The following RIC1 variants were observed in gnomAD, a reference collection of about 807,000 sequenced individuals.
RIC1 encodes guanine nucleotide exchange factor subunit RIC1.
In RIC1, 88 loss-of-function variants were observed where a neutral mutation model predicts 169.0. The ratio of observed to expected loss-of-function variants is 0.52; its 90% CI spans 0.44 to 0.62. The LOEUF (loss-of-function observed/expected upper bound fraction) is 0.62. Ranked by LOEUF, RIC1 falls within the 20% of genes least tolerant of loss-of-function variation. The probability of loss-of-function intolerance (pLI) is 0.00; values close to 1 mark genes in which losing one functional copy is unlikely to be tolerated. For missense variants in RIC1, 1,877 were observed against 1,725.5 expected, an observed-to-expected ratio of 1.09 and a Z score of -1.56; for synonymous variants, 790 against 601.5, an observed-to-expected ratio of 1.31 and a Z score of -4.59.
At chr9:5,764,350 C>G (rs1180951104) in intron 19 of RIC1, among the ~76,000 whole-genome samples, 2 of 152,198 alleles carry the variant, frequency 1.3e-5, no homozygotes, top group African/African-American at 4.8e-5. Flanking sequence ...TTGAGCTAGT[C>G]TTCCCCAAAG....
intron 2 of RIC1, among the ~76,000 whole-genome samples, chr9:5,676,348 G>A (rs769428882): frequency 3.3e-5 from 5 of 152,060 alleles, no homozygotes; most frequent in African/African-American, 7.2e-5. Flanking sequence ...ATGAATTAAC[G>A]GTGTACTTGA....
intron 2 of RIC1, among the ~76,000 whole-genome samples, chr9:5,672,160 A>G (rs1034675315): frequency 6.6e-6 from 1 of 152,202 alleles, no homozygotes; most frequent in Non-Finnish European, 1.5e-5. Flanking sequence ...GCAAACTGTC[A>G]CTTTATCCAG....
At position 5,769,237 on chromosome 9, in the gene RIC1, A is replaced by C. The variant is rs766996809; in HGVS notation, c.3405A>C (p.Lys1135Asn). 23 of 1,614,018 alleles carry C rather than the reference A, an allele frequency of 1.4e-5. No homozygotes were observed. The highest frequency in any genetic ancestry group is 1.9e-5 in the Non-Finnish European group (22 of 1,180,000). Residue 1135 changes from lysine (K) to asparagine (N), a missense_variant, in exon 22 of 26, where the codon AAA becomes AAC. Lys to Asn is a moderately conservative substitution (Grantham distance 94). Transcript: ENST00000414202. ...IPASSISSPF[K>N]NGKYRTVGEQ... The stretch of plus-strand genomic sequence containing the variant: ...CCTCTTCTATCAGTTCTCCTTTCAA[A>C]AATGGAAAATACCGAACTGGTAATG...
At position 5,706,406 on chromosome 9, in the gene RIC1, C is replaced by T. The variant is rs559566836; in HGVS notation, c.333-7490C>T. 5.3e-5 allele frequency among the ~76,000 whole-genome samples: 8 copies of T among 152,142 alleles called. No homozygotes were observed. In the South Asian group the frequency reaches 1.2e-3, roughly 24 times the overall value. The stretch of plus-strand genomic sequence containing the variant: ...GTCGGAGGTTGCGGTGAGCTGAGAT[C>T]GCACCACTGCACTCCAGCCTAGCGA... On this transcript the variant is annotated intron_variant, in intron 3 of 25. Transcript: ENST00000414202.
At chr9:5,772,362 C>T (rs1827281524) in intron 23 of RIC1, among the ~76,000 whole-genome samples, 1 of 152,132 alleles carries the variant, frequency 6.6e-6, no homozygotes, top group Non-Finnish European at 1.5e-5. Flanking sequence ...TATATTTTTC[C>T]ATCTAAAGGT....
chr9:5,657,605 A>G (rs1372659541), intron 2 of RIC1, among the ~76,000 whole-genome samples: 1 of 152,096 alleles, frequency 6.6e-6, no homozygotes, highest in Non-Finnish European at 1.5e-5. Flanking sequence ...GCTTCCATTT[A>G]CTATATCCTT....
Position 5,713,878 on chromosome 9 carries a change from C to A in RIC1, c.333-18C>A. 1 of 1,563,776 alleles carries A rather than the reference C, an allele frequency of 6.4e-7. No individual in the cohort carries two copies. The highest frequency in any genetic ancestry group is 1.1e-5 in the South Asian group (1 of 89,656). On this transcript the variant is annotated intron_variant, in intron 3 of 25. Coordinates refer to ENST00000414202, the MANE Select transcript of RIC1 (RefSeq NM_020829.4). ...GCAAATTCAGCATCTTTCTTTAACT[C>A]TATGCTGTTTGTTTTAGAGGAAGTC... is the stretch of plus-strand genomic sequence containing the variant.
intron 2 of RIC1, among the ~76,000 whole-genome samples, chr9:5,682,492 T>A (rs1420681919): frequency 6.6e-6 from 1 of 152,204 alleles, no homozygotes; most frequent in Non-Finnish European, 1.5e-5. Context: ...TGGCCCTCAC[T>A]CTCTTCTGGC....
chr9:5,698,532 C>T (rs1822037095), intron 3 of RIC1, among the ~76,000 whole-genome samples: 1 of 152,046 alleles, frequency 6.6e-6, no homozygotes, highest in Admixed American at 6.6e-5. Context: ...ATTAATAAAA[C>T]CGGCTTAGCT....
chr9:5,665,149 C>A (rs765929429), intron 2 of RIC1, among the ~76,000 whole-genome samples: 1 of 151,932 alleles, frequency 6.6e-6, no homozygotes, highest in Non-Finnish European at 1.5e-5. Flanking sequence ...TGAATTGAAC[C>A]CTTTATTGTT....
downstream of RIC1, chr9:5,776,634 T>C (rs1827603965): frequency 6.6e-6 from 1 of 152,000 alleles, no homozygotes; most frequent in Non-Finnish European, 1.5e-5. Context: ...TCTTAGAATT[T>C]TCCTTATGAA....
chr9:5,764,021 C>G (rs941541178), intron 19 of RIC1, among the ~76,000 whole-genome samples, 153 bp downstream of exon 19: 16 of 152,056 alleles, frequency 1.1e-4, no homozygotes, highest in Non-Finnish European at 1.9e-4. Flanking sequence ...AGACAGATTC[C>G]TTTGAATATC....
intron 1 of RIC1, among the ~76,000 whole-genome samples, chr9:5,632,086 T>C (rs1040818951): frequency 6.6e-6 from 1 of 152,220 alleles, no homozygotes; most frequent in African/African-American, 2.4e-5. Context: ...GTTGAAGTCT[T>C]ACAGCTGCTT....
chr9:5,748,449 G>C, intron 12 of RIC1: 1 of 152,572 alleles, frequency 6.6e-6, no homozygotes, highest in Non-Finnish European at 1.5e-5. Flanking sequence ...AAAAGAAAAT[G>C]AACTTAACTT....
At chr9:5,704,887 A>G (rs1822472757) in intron 3 of RIC1, among the ~76,000 whole-genome samples, 1 of 152,112 alleles carries the variant, frequency 6.6e-6, no homozygotes. Context: ...TCTTTCGTAA[A>G]TGGTTATTCA....
chr9:5,703,214 A>G (rs1822345407), intron 3 of RIC1, among the ~76,000 whole-genome samples: 1 of 152,172 alleles, frequency 6.6e-6, no homozygotes, highest in African/African-American at 2.4e-5. Flanking sequence ...TCCAAGATAC[A>G]ATGGGAATAC....
chr9:5,743,147 C>G, intron 9 of RIC1, 134 bp downstream of exon 9: 1 of 724,228 alleles, frequency 1.4e-6, no homozygotes, highest in Non-Finnish European at 2.2e-6. Flanking sequence ...AGTTCATAAT[C>G]TGTTCGAATA....
rs1049194143 is a variant in RIC1 at position 5,679,683 on chromosome 9, T to G, written c.253-10276T>G. Among the ~76,000 whole-genome samples the G allele has an allele frequency of 7.2e-4, 109 of 152,268 alleles. 1 individual carries two copies. The highest frequency in any genetic ancestry group is 2.5e-3 in the African/African-American group (104 of 41,560). On this transcript the variant is annotated intron_variant, in intron 2 of 25. Transcript: ENST00000414202. ...TAAGAATGCTTGTGATTTTTGCACATTGATTTTGTATCCTGAGACTTTGCT... is the reference window on the plus strand; with the variant it reads ...TAAGAATGCTTGTGATTTTTGCACAGTGATTTTGTATCCTGAGACTTTGCT...
At chr9:5,678,493 A>G (rs1820596276) in intron 2 of RIC1, among the ~76,000 whole-genome samples, 1 of 151,708 alleles carries the variant, frequency 6.6e-6, no homozygotes, top group Admixed American at 6.6e-5. Flanking sequence ...ATTTCTCCAC[A>G]TCCTCTCCAG....
Sources: allele counts gnomAD v4.1 joint callset (sites outside exome capture counted in the v4.1 genomes callset), GRCh38; gene constraint gnomAD v4.1.1; transcripts MANE v1.5; gene names NCBI Gene and HGNC (gene_info 2026-07-23, HGNC 2026-07-21).